PARD3: variants seen among roughly 807,000 people sequenced by gnomAD.
PARD3 encodes partitioning defective 3 homolog.
In PARD3, 75 loss-of-function variants were observed where a neutral mutation model predicts 155.4. That is an observed-to-expected ratio of 0.48 (90% CI 0.40 to 0.58). The LOEUF (loss-of-function observed/expected upper bound fraction) is 0.58, where lower values mean the gene tolerates loss of function less well. PARD3 is among the 20% of genes least tolerant of loss of function. The pLI is 0.00. For synonymous variants in PARD3, 576 were observed against 610.5 expected, an observed-to-expected ratio of 0.94 and a Z score of 0.83; for missense variants, 1,642 against 1,721.7, an observed-to-expected ratio of 0.95 and a Z score of 0.82.
chr10:34,725,895 T>A (rs2094700286), intron 1 of PARD3, among the ~76,000 whole-genome samples: 1 of 152,148 alleles, frequency 6.6e-6, no homozygotes, highest in Non-Finnish European at 1.5e-5. Context: ...CTGTCTTGAG[T>A]GAATGCGTTT....
chr10:34,230,942 C>T (rs1952891664), intron 22 of PARD3, among the ~76,000 whole-genome samples: 1 of 152,024 alleles, frequency 6.6e-6, no homozygotes, highest in African/African-American at 2.4e-5. Context: ...GGGAAGATCT[C>T]TTGAGTTCAG....
chr10:34,557,266 C>T (rs2134020344), intron 2 of PARD3, among the ~76,000 whole-genome samples: 1 of 152,236 alleles, frequency 6.6e-6, no homozygotes, highest in Non-Finnish European at 1.5e-5. Flanking sequence ...AGGGAGTGTG[C>T]TCTATTCACT....
Position 34,265,508 on chromosome 10 carries a change from T to C in PARD3, c.3419+4149A>G, listed in dbSNP as rs368420192. On this transcript the variant is annotated intron_variant, in intron 22 of 24. Coordinates refer to ENST00000374788, the MANE Select transcript of PARD3 (RefSeq NM_001184785.2). Reference sequence around the variant, plus strand: ...GCTACACATCAGACTGTCAACTGCCTGCATTCCCATGAAATCCAAAAATTT... The same window carrying C: ...GCTACACATCAGACTGTCAACTGCCCGCATTCCCATGAAATCCAAAAATTT... Among the ~76,000 whole-genome samples, 8 of 152,206 alleles carry C rather than the reference T, an allele frequency of 5.3e-5. No individual in the cohort carries two copies. The East Asian group carries it at 5.8e-4, about 11-fold the overall frequency.
intron 2 of PARD3, among the ~76,000 whole-genome samples, chr10:34,549,271 A>C (rs1165967658): frequency 6.6e-6 from 1 of 152,172 alleles, no homozygotes; most frequent in African/African-American, 2.4e-5. Flanking sequence ...GTACAGTCTT[A>C]TTTAATTAAT....
intron 1 of PARD3, among the ~76,000 whole-genome samples, chr10:34,776,385 T>A (rs187797465): frequency 1.5e-3 from 235 of 152,270 alleles, no homozygotes; most frequent in African/African-American, 4.8e-3. Context: ...CAGAATGGCA[T>A]GATCCAAAGC....
intron 21 of PARD3, among the ~76,000 whole-genome samples, chr10:34,274,126 A>T (rs1025565506): frequency 6.6e-6 from 1 of 152,200 alleles, no homozygotes; most frequent in African/African-American, 2.4e-5. Context: ...AGTGAATATT[A>T]GGAAGTTAGA....
chr10:34,356,686 A>G (rs148871398), intron 14 of PARD3, among the ~76,000 whole-genome samples: 4 of 152,150 alleles, frequency 2.6e-5, no homozygotes, highest in Non-Finnish European at 5.9e-5. Context: ...ATTTACACAT[A>G]CCCTCCCAGT....
At chr10:34,574,248 A>G (rs2086710909) in intron 2 of PARD3, among the ~76,000 whole-genome samples, 1 of 152,222 alleles carries the variant, frequency 6.6e-6, no homozygotes, top group Non-Finnish European at 1.5e-5. Flanking sequence ...ATTACTTTAA[A>G]CAATCAAAAG....
chr10:34,111,797 T>A (rs1162819864), intron 24 of PARD3, among the ~76,000 whole-genome samples: 2 of 152,194 alleles, frequency 1.3e-5, no homozygotes, highest in Non-Finnish European at 2.9e-5. Context: ...AGAACTAGAC[T>A]GTGCAGCTAT....
rs145676663 is a variant in PARD3 at position 34,285,090 on chromosome 10, T to G, written c.3066-845A>C. Among the ~76,000 whole-genome samples the G allele has an allele frequency of 1.9e-3, 294 of 152,338 alleles. 2 individuals carry two copies. Among genetic ancestry groups the G allele is most frequent in the Non-Finnish European group, 2.9e-3 (198 of 68,028 alleles). On this transcript the variant is annotated intron_variant, in intron 20 of 24. Coordinates refer to ENST00000374788, the MANE Select transcript of PARD3 (RefSeq NM_001184785.2). ...CTATAAAAGACCATATTGCCTGGAA[T>G]GCATGCACTCTATATCCATAAGCAA...
At chr10:34,573,768 C>T (rs2086659861) in intron 2 of PARD3, among the ~76,000 whole-genome samples, 1 of 151,042 alleles carries the variant, frequency 6.6e-6, no homozygotes, top group African/African-American at 2.4e-5. Flanking sequence ...CACACACACA[C>T]ACACACACAC....
chr10:34,748,563 A>G (rs1160563105), intron 1 of PARD3, among the ~76,000 whole-genome samples: 1 of 152,096 alleles, frequency 6.6e-6, no homozygotes. Context: ...CTCCTCTGTA[A>G]GCACTCCACA....
chr10:34,313,283 T>C (rs1009380507), intron 20 of PARD3, among the ~76,000 whole-genome samples: 97 of 152,338 alleles, frequency 6.4e-4, no homozygotes, highest in African/African-American at 2.3e-3. Context: ...TTTACCTGTT[T>C]TGTAAGCACA....
intron 1 of PARD3, among the ~76,000 whole-genome samples, chr10:34,786,116 G>A (rs911282234): frequency 3.9e-5 from 6 of 152,156 alleles, no homozygotes; most frequent in South Asian, 4.1e-4. Flanking sequence ...ACATACAAAC[G>A]AAATCACATA....
At chr10:34,769,815 A>AC (rs397796615) in intron 1 of PARD3, among the ~76,000 whole-genome samples, 12 of 150,772 alleles carry the variant, frequency 8.0e-5, no homozygotes, top group East Asian at 1.9e-4. Flanking sequence ...AAAAAAAAAA[A>AC]CAAGAAAACC....
chr10:34,546,002 G>A (rs530461582), intron 2 of PARD3, among the ~76,000 whole-genome samples: 64 of 152,250 alleles, frequency 4.2e-4, no homozygotes, highest in African/African-American at 1.5e-3. Context: ...TTTCTGCTTT[G>A]CACTTGTTTT....
At chr10:34,688,487 T>C (rs2093990263) in intron 2 of PARD3, among the ~76,000 whole-genome samples, 1 of 152,212 alleles carries the variant, frequency 6.6e-6, no homozygotes, top group Non-Finnish European at 1.5e-5. Context: ...TTTCCTAATT[T>C]GGCAAAATGT....
intron 22 of PARD3, among the ~76,000 whole-genome samples, chr10:34,173,083 G>A (rs754898347): frequency 1.8e-4 from 28 of 152,294 alleles, no homozygotes; most frequent in Non-Finnish European, 4.0e-4. Context: ...AATTAGTCAG[G>A]AATCGTCTAG....
rs554448258 is a variant in PARD3 at position 34,809,784 on chromosome 10, C to A, written c.120+5092G>T. ...TCAGCCTTTCAAAAATGTTTAGTTT[C>A]TTTTTCCTTTTTAGAGGGAAGGCAG... On this transcript the variant is annotated intron_variant, in intron 1 of 24. Coordinates refer to ENST00000374788, the MANE Select transcript of PARD3 (RefSeq NM_001184785.2). Among the ~76,000 whole-genome samples the A allele has an allele frequency of 1.1e-4, 17 of 152,196 alleles. 1 individual carries two copies. The South Asian group carries it at 3.5e-3, about 32-fold the overall frequency.
Sources: allele counts gnomAD v4.1 joint callset (sites outside exome capture counted in the v4.1 genomes callset), GRCh38; gene constraint gnomAD v4.1.1; transcripts MANE v1.5; gene names NCBI Gene and HGNC (gene_info 2026-07-23, HGNC 2026-07-21).